Variants in POFUT3 observed in about 807,000 individuals in gnomAD.
The protein encoded by POFUT3 is GDP-fucose protein O-fucosyltransferase 3.
At chr8:33,373,419 G>A in the POFUT3 span, among the ~76,000 whole-genome samples, 1 of 152,130 alleles carries the variant, frequency 6.6e-6, no homozygotes, top group Non-Finnish European at 1.5e-5. Flanking sequence ...GTACTAAGAT[G>A]TTTCCACCCA....
the POFUT3 span, among the ~76,000 whole-genome samples, chr8:33,455,080 A>G: frequency 6.6e-6 from 1 of 152,178 alleles, no homozygotes; most frequent in Admixed American, 6.6e-5. Context: ...TATTACAATT[A>G]AAGTAGTCAT....
chr8:33,443,205 ATTT>A, the POFUT3 span, among the ~76,000 whole-genome samples: 2 of 152,212 alleles, frequency 1.3e-5, no homozygotes, highest in African/African-American at 2.4e-5. Context: ...GAATTACATC[ATTT>A]ATTAATAATT....
chr8:33,440,959 C>T, the POFUT3 span, among the ~76,000 whole-genome samples: 4 of 152,084 alleles, frequency 2.6e-5, no homozygotes, highest in African/African-American at 9.7e-5. Flanking sequence ...CCAGGGGACT[C>T]GAATCTGTGC....
At chr8:33,471,615 T>C in the POFUT3 span, among the ~76,000 whole-genome samples, 1 of 152,196 alleles carries the variant, frequency 6.6e-6, no homozygotes, top group East Asian at 1.9e-4. Flanking sequence ...TGAACAACAT[T>C]TGTACATATA....
chr8:33,457,368 C>T, the POFUT3 span, among the ~76,000 whole-genome samples: 1 of 152,120 alleles, frequency 6.6e-6, no homozygotes, highest in East Asian at 1.9e-4. Context: ...TGGTGGCACA[C>T]ACCTGTAATC....
chr8:33,379,852 T>A, the POFUT3 span, among the ~76,000 whole-genome samples: 2 of 123,890 alleles, frequency 1.6e-5, no homozygotes, highest in African/African-American at 6.1e-5. Context: ...AAAAAATATA[T>A]ATATATATAT....
At chr8:33,471,779 T>C in the POFUT3 span, among the ~76,000 whole-genome samples, 10 of 152,158 alleles carry the variant, frequency 6.6e-5, no homozygotes, top group Non-Finnish European at 1.5e-4. Flanking sequence ...CAGTAAAAGT[T>C]GAGATCGTGT....
the POFUT3 span, among the ~76,000 whole-genome samples, chr8:33,318,058 G>A: frequency 6.6e-6 from 1 of 152,082 alleles, no homozygotes; most frequent in Non-Finnish European, 1.5e-5. Flanking sequence ...CAGGCAAAGT[G>A]TCAGACAGGT....
the POFUT3 span, chr8:33,453,532 ATCAGTG>A: frequency 1.3e-6 from 2 of 1,562,526 alleles, no homozygotes; most frequent in Non-Finnish European, 1.7e-6. Flanking sequence ...GACAATTATT[ATCAGTG>A]TCAAACTGTT....
the POFUT3 span, among the ~76,000 whole-genome samples, chr8:33,354,077 C>T: frequency 5.9e-5 from 9 of 152,094 alleles, no homozygotes; most frequent in East Asian, 9.6e-4. Context: ...CCTCACCTCC[C>T]GCCGACTTTT....
At chr8:33,458,955 G>C in the POFUT3 span, among the ~76,000 whole-genome samples, 1 of 152,152 alleles carries the variant, frequency 6.6e-6, no homozygotes, top group Admixed American at 6.6e-5. Flanking sequence ...ACACAGAAGG[G>C]AGATCCTGCA....
the POFUT3 span, among the ~76,000 whole-genome samples, chr8:33,448,177 CAA>C: frequency 0.03 from 4,480 of 150,868 alleles, 90 homozygotes; most frequent in Non-Finnish European, 0.04. Context: ...CCCGTCTCTA[CAA>C]AAAAAAATTT....
At chr8:33,374,251 CT>C in the POFUT3 span, among the ~76,000 whole-genome samples, 1 of 152,296 alleles carries the variant, frequency 6.6e-6, no homozygotes, top group Admixed American at 6.5e-5. Context: ...AAATAGGTCT[CT>C]GGTGCCAAAA....
At chr8:33,311,481 C>T in the POFUT3 span, among the ~76,000 whole-genome samples, 1 of 152,166 alleles carries the variant, frequency 6.6e-6, no homozygotes, top group African/African-American at 2.4e-5. Context: ...CTTTCTCATC[C>T]AAGGGGATAT....
chr8:33,313,130 A>G, the POFUT3 span, among the ~76,000 whole-genome samples: 1 of 152,174 alleles, frequency 6.6e-6, no homozygotes, highest in Admixed American at 6.6e-5. Flanking sequence ...GAAAATCATA[A>G]ATAAACAAAG....
chr8:33,443,523 T>C, the POFUT3 span, among the ~76,000 whole-genome samples: 2 of 152,180 alleles, frequency 1.3e-5, no homozygotes, highest in African/African-American at 4.8e-5. Flanking sequence ...AGACAAAGTC[T>C]GGCCTGTCAC....
At chr8:33,389,206 A>T in the POFUT3 span, 1 of 1,614,002 alleles carries the variant, frequency 6.2e-7, no homozygotes, top group African/African-American at 1.3e-5. Flanking sequence ...ATTCTGATAC[A>T]AGAATAGCAC....
chr8:33,368,453 A>G, the POFUT3 span, among the ~76,000 whole-genome samples: 1 of 152,234 alleles, frequency 6.6e-6, no homozygotes, highest in African/African-American at 2.4e-5. Context: ...ATGACTTAAA[A>G]GTAAGCTCCC....
the POFUT3 span, among the ~76,000 whole-genome samples, chr8:33,418,142 C>T: frequency 6.6e-6 from 1 of 152,140 alleles, no homozygotes; most frequent in African/African-American, 2.4e-5. Flanking sequence ...TCCAACAGCC[C>T]CTGCAGTTCC....
Sources: gnomAD v4.1 joint callset for allele counts (sites outside exome capture counted in the v4.1 genomes callset) on GRCh38, gnomAD v4.1.1 for gene constraint, MANE v1.5 for transcripts, NCBI Gene and HGNC (gene_info 2026-07-23, HGNC 2026-07-21) for gene names.